Variants in NOVA2 observed in about 807,000 individuals in gnomAD.
NOVA2 encodes the protein NOVA alternative splicing regulator 2.
In NOVA2, 9 loss-of-function variants were observed where a neutral mutation model predicts 22.5. The observed-to-expected ratio is 0.40, with a 90% CI of 0.24 to 0.70. The LOEUF (loss-of-function observed/expected upper bound fraction) is 0.70, where lower values mean the gene tolerates loss of function less well. Ranked by LOEUF, NOVA2 falls within the 30% of genes least tolerant of loss-of-function variation. The pLI, the probability that NOVA2 is intolerant of heterozygous loss-of-function variation, is 0.38. For synonymous variants in NOVA2, 318 were observed against 335.2 expected (o/e 0.95, Z 0.56); for missense variants, 383 against 682.8 (o/e 0.56, Z 4.89).
chr19:45,958,479 ATG>A (rs1266763406), intron 2 of NOVA2, among the ~76,000 whole-genome samples: 7 of 146,654 alleles, frequency 4.8e-5, no homozygotes, highest in South Asian at 4.3e-4. Context: ...TGTGAGTGGG[ATG>A]TGTGTGAATG....
intron 3 of NOVA2, among the ~76,000 whole-genome samples, chr19:45,944,727 G>A (rs1295583106): frequency 6.6e-6 from 1 of 152,192 alleles, no homozygotes; most frequent in African/African-American, 2.4e-5. Flanking sequence ...TAAATGTCCA[G>A]AATATGCAGA....
rs1967716554 is a variant in NOVA2, at chr19:45,939,797, G to C, written c.*66C>G. The C allele has an allele frequency of 6.3e-7, 1 of 1,587,736 alleles. No homozygotes were observed. The highest frequency in any genetic ancestry group is 1.3e-5 in the African/African-American group (1 of 74,338). ...ACCAAGCTGAGGTCAGGAGTTGGGGGGGAGGAGGAGAGGGAAGAGGAGGAG... is the reference window on the plus strand; with the variant it reads ...ACCAAGCTGAGGTCAGGAGTTGGGGCGGAGGAGGAGAGGGAAGAGGAGGAG... On this transcript the variant is annotated 3_prime_UTR_variant, in exon 4 of 4. Transcript: ENST00000263257.
At chr19:45,950,479 A>G (rs1967908091) in intron 3 of NOVA2, among the ~76,000 whole-genome samples, 1 of 152,170 alleles carries the variant, frequency 6.6e-6, no homozygotes, top group Non-Finnish European at 1.5e-5. Context: ...GAAACATTCA[A>G]TGACTAAAGT....
Position 45,940,517 on chromosome 19 carries a change from G to T in NOVA2, c.825C>A (p.Asp275Glu). 6.6e-7 allele frequency: 1 copy of T among 1,514,626 alleles called. No homozygotes were observed. 93.8% of individuals were successfully genotyped at this position (1,514,626 alleles called of 1,614,324 possible). A position where few individuals can be genotyped will look rare whatever the true frequency, so the allele number is the denominator to read the frequency against. The change falls in exon 4 of 4, where the codon GAC (aspartate) becomes GAA (glutamate). Residue 275 changes from aspartate to glutamate, a missense_variant. This residue lies in a region of NOVA2 where 349 missense variants were observed against 578.1 expected (regional missense o/e 0.60). Coordinates refer to ENST00000263257, the MANE Select transcript of NOVA2 (RefSeq NM_002516.4). ...PAALPAFSGT[D>E]LLAISTALNT... ...TAAGCGCCGTGCTGATGGCCAGCAGGTCGGTGCCTGAGAAGGCGGGCAGCG... is the reference window on the plus strand; with the variant it reads ...TAAGCGCCGTGCTGATGGCCAGCAGTTCGGTGCCTGAGAAGGCGGGCAGCG...
chr19:45,944,040 T>C (rs1212103791), intron 3 of NOVA2, among the ~76,000 whole-genome samples: 2 of 152,362 alleles, frequency 1.3e-5, no homozygotes, highest in South Asian at 2.1e-4. Context: ...TATTATACTC[T>C]GGATCACTTT....
intron 1 of NOVA2, among the ~76,000 whole-genome samples, chr19:45,963,046 C>T (rs566429853): frequency 3.3e-5 from 5 of 152,214 alleles, no homozygotes; most frequent in Non-Finnish European, 5.9e-5. Flanking sequence ...CTACGTGCCT[C>T]CAGGATGGAA....
In NOVA2 at chr19:45,940,937, C is replaced by T; in HGVS notation, c.405G>A (p.Leu135=). The change falls in exon 4 of 4, where the codon CTG becomes CTA. Residue 135 remains leucine (L), a synonymous_variant. Coordinates refer to ENST00000263257, the MANE Select transcript of NOVA2 (RefSeq NM_002516.4). ...GGCCCGCCGTGCTGTTGGGGACGAT[C>T]AGCTTGGCCTGCGTGGGGAGCAAAA... ...MNPDRAKQAK[L]IVPNSTAGLI... is the part of the protein sequence containing the mutation. 1.9e-6 allele frequency: 3 copies of T among 1,601,834 alleles called. No individual in the cohort carries two copies. The highest frequency in any genetic ancestry group is 2.5e-6 in the Non-Finnish European group (3 of 1,179,148).
intron 3 of NOVA2, among the ~76,000 whole-genome samples, chr19:45,946,887 A>G (rs933086989): frequency 4.6e-5 from 7 of 152,082 alleles, no homozygotes; most frequent in African/African-American, 1.4e-4. Flanking sequence ...AAAAAAAAAA[A>G]AAAATCACAA....
intron 1 of NOVA2, among the ~76,000 whole-genome samples, chr19:45,972,002 A>G (rs1568675057): frequency 7.9e-5 from 12 of 151,854 alleles, no homozygotes; most frequent in Admixed American, 7.2e-4. Flanking sequence ...GCAATCTCCA[A>G]TACACACGGA....
chr19:45,940,745 C>A lies in NOVA2; in HGVS notation c.597G>T (p.Lys199Asn), dbSNP rs1365991502. 6.2e-7 allele frequency: 1 copy of A among 1,609,944 alleles called. No homozygotes were observed. The highest frequency in any genetic ancestry group is 8.5e-7 in the Non-Finnish European group (1 of 1,179,890). ...TGCTGCTCTGGGGGTCTTCTTGTAC[C>A]TTCTGCACGATGGCGCTCACGGCCT... ...VHKAVSAIVQ[K>N]VQEDPQSSSC... is the part of the protein sequence containing the mutation. The change falls in exon 4 of 4, where the codon AAG becomes AAT. Residue 199 changes from lysine to asparagine, a missense_variant. Lys to Asn is a moderately conservative substitution (Grantham distance 94). Around this residue, in one of 2 missense-constraint regions of NOVA2, gnomAD observed 349 missense variants for 578.1 expected, o/e 0.60. Coordinates refer to ENST00000263257, the MANE Select transcript of NOVA2 (RefSeq NM_002516.4).
At chr19:45,954,932 T>G (rs575059719) in intron 2 of NOVA2, among the ~76,000 whole-genome samples, 46 of 151,772 alleles carry the variant, frequency 3.0e-4, no homozygotes, top group African/African-American at 1.1e-3. Context: ...AATCTGTGTT[T>G]GTAGAAGATA....
At chr19:45,968,986 C>T (rs573371982) in intron 1 of NOVA2, among the ~76,000 whole-genome samples, 1 of 151,868 alleles carries the variant, frequency 6.6e-6, no homozygotes, top group Admixed American at 6.6e-5. Context: ...TGATGAAACC[C>T]CATCTCTACT....
chr19:45,938,838 C>A lies in NOVA2; in HGVS notation c.*1025G>T, dbSNP rs947432342. The A allele has an allele frequency of 6.6e-6, 1 of 152,240 alleles. No homozygotes were observed. The highest frequency in any genetic ancestry group is 2.1e-4 in the South Asian group (1 of 4,832). The allele number at this position is 152,240 out of a possible 1,614,324, so 9.4% of individuals were successfully genotyped here. A position where few individuals can be genotyped will look rare whatever the true frequency, so the allele number is the denominator to read the frequency against. On this transcript the variant is annotated 3_prime_UTR_variant, in exon 4 of 4. Coordinates refer to ENST00000263257, the MANE Select transcript of NOVA2 (RefSeq NM_002516.4). ...CCAATACAGGAAGTACATGCTTCAG[C>A]CTAATGACATCACAGGACGTGACCT...
chr19:45,957,226 G>A (rs1009699700), intron 2 of NOVA2, among the ~76,000 whole-genome samples: 10 of 151,904 alleles, frequency 6.6e-5, no homozygotes, highest in Admixed American at 2.6e-4. Flanking sequence ...GCAATATAGC[G>A]AGACCCCATC....
intron 1 of NOVA2, 101 bp downstream of exon 1, chr19:45,973,166 C>A (rs1308166288): frequency 1.0e-5 from 5 of 482,330 alleles, no homozygotes; most frequent in African/African-American, 6.3e-5. Flanking sequence ...TGTCTCTCCC[C>A]TCCCCAGAGC....
At chr19:45,963,133 GGAAGGC>G (rs1356563161) in intron 1 of NOVA2, among the ~76,000 whole-genome samples, 4 of 152,034 alleles carry the variant, frequency 2.6e-5, no homozygotes, top group Admixed American at 6.6e-5. Flanking sequence ...CCAGCACTGT[GGAAGGC>G]GGAGGCGGAG....
In NOVA2 at chr19:45,961,141, T is replaced by C. The variant is rs761109065; in HGVS notation, c.98A>G (p.Tyr33Cys). The change falls in exon 2 of 4, where the codon TAC (tyrosine) becomes TGC (cysteine). Residue 33 changes from tyrosine (Y) to cysteine (C), a missense_variant. Transcript: ENST00000263257. ...GCTGGGGATCAGCACCTTCAGGAAG[T>C]ATTCGCCTTCCTCTGCGGGGGCACA... Reference protein sequence around the residue: ...KRSNTGEEGEYFLKVLIPSYA... With the variant: ...KRSNTGEEGECFLKVLIPSYA... The C allele has an allele frequency of 2.5e-6, 4 of 1,600,106 alleles. No individual in the cohort carries two copies. Among genetic ancestry groups the C allele is most frequent in the Non-Finnish European group, 3.4e-6 (4 of 1,173,756 alleles).
intron 2 of NOVA2, among the ~76,000 whole-genome samples, chr19:45,954,432 G>A (rs1967973018): frequency 6.6e-6 from 1 of 152,296 alleles, no homozygotes; most frequent in East Asian, 1.9e-4. Context: ...GACGAGGGAC[G>A]AGGCCCTGTT....
intron 2 of NOVA2, among the ~76,000 whole-genome samples, chr19:45,959,223 A>G (rs1968058839): frequency 1.3e-5 from 2 of 151,876 alleles, no homozygotes; most frequent in African/African-American, 2.4e-5. Context: ...GGGATGTAGG[A>G]CTAGGATGTA....
Sources: allele counts gnomAD v4.1 joint callset (sites outside exome capture counted in the v4.1 genomes callset), GRCh38; gene constraint gnomAD v4.1.1; regional missense constraint gnomAD v4.1.1; transcripts MANE v1.5; gene names NCBI Gene and HGNC (gene_info 2026-07-23, HGNC 2026-07-21).